Variants in DYSF observed in about 807,000 individuals in gnomAD.
DYSF encodes the protein dysferlin, also known as dystrophy-associated fer-1-like 1.
DYSF carries 212 observed loss-of-function variants against 274.9 expected under a neutral mutation model. The ratio of observed to expected loss-of-function variants is 0.77; its 90% CI spans 0.69 to 0.86. DYSF has a LOEUF of 0.86. DYSF is among the 40% of genes least tolerant of loss of function. DYSF has a pLI of 0.00. For missense variants in DYSF, 2,666 were observed against 2,783.2 expected, an observed-to-expected ratio of 0.96 and a Z score of 0.95; for synonymous variants, 1,091 against 1,078.7, an observed-to-expected ratio of 1.01 and a Z score of -0.22.
At position 71,511,932 on chromosome 2, in the gene DYSF, C is replaced by A; in HGVS notation, c.460+11C>A. On this transcript the variant is annotated intron_variant, in intron 5 of 55. Coordinates refer to ENST00000410020, the MANE Select transcript of DYSF (RefSeq NM_001130987.2). ...TGGATGTAGTGGCAGGTGGGTAGCCCACGTTGGCCTGGCTGGGCCCCAGCA... is the reference window on the plus strand; with the variant it reads ...TGGATGTAGTGGCAGGTGGGTAGCCAACGTTGGCCTGGCTGGGCCCCAGCA... 1 of 1,519,598 alleles carries A rather than the reference C, an allele frequency of 6.6e-7. No homozygotes were observed. The highest frequency in any genetic ancestry group is 8.9e-7 in the Non-Finnish European group (1 of 1,118,872). 94.1% of individuals were successfully genotyped at this position (1,519,598 alleles called of 1,614,324 possible). A position where few individuals can be genotyped will look rare whatever the true frequency, so the allele number is the denominator to read the frequency against.
chr2:71,562,077 C>G, intron 23 of DYSF, 133 bp downstream of exon 23: 3 of 1,250,832 alleles, frequency 2.4e-6, no homozygotes, highest in Middle Eastern at 2.6e-4. Flanking sequence ...GGGCAGGTGA[C>G]TTAACCTCTC....
chr2:71,587,320 G>T (rs1430138644), intron 30 of DYSF, among the ~76,000 whole-genome samples: 4 of 152,214 alleles, frequency 2.6e-5, no homozygotes, highest in Admixed American at 6.5e-5. Flanking sequence ...GAGCGAGAGA[G>T]GGGGAAAGAA....
At chr2:71,575,030 C>G (rs748219365) in intron 30 of DYSF, among the ~76,000 whole-genome samples, 1 of 152,298 alleles carries the variant, frequency 6.6e-6, no homozygotes, top group Non-Finnish European at 1.5e-5. Flanking sequence ...GCTGCTCCCT[C>G]TGAAATCCAG....
chr2:71,520,676 C>T, intron 11 of DYSF, 113 bp from the exon 12 acceptor site: 1 of 868,924 alleles, frequency 1.2e-6, no homozygotes, highest in South Asian at 1.3e-5. Flanking sequence ...GAGCTCATGG[C>T]CCAGCGGATG....
chr2:71,469,356 C>T (rs1171241083), intron 1 of DYSF, among the ~76,000 whole-genome samples: 2 of 152,188 alleles, frequency 1.3e-5, no homozygotes, highest in Non-Finnish European at 2.9e-5. Flanking sequence ...TGCCAACCTC[C>T]CTGCCTGCCT....
rs531223734 is a variant in DYSF at position 71,539,150 on chromosome 2, G to A, written c.1494-7G>A. On this transcript the variant is annotated splice_region_variant and splice_polypyrimidine_tract_variant and intron_variant, in intron 16 of 55. Coordinates refer to ENST00000410020, the MANE Select transcript of DYSF (RefSeq NM_001130987.2). Reference sequence around the variant, plus strand: ...GTGTTCAGGCCCTCTCTGCTCCCTTGCTCTAGGGACCGCCTGACTCACAAT... The same window carrying A: ...GTGTTCAGGCCCTCTCTGCTCCCTTACTCTAGGGACCGCCTGACTCACAAT... 3 of 1,613,784 alleles carry A rather than the reference G, an allele frequency of 1.9e-6. No homozygotes were observed. The highest frequency in any genetic ancestry group is 2.5e-6 in the Non-Finnish European group (3 of 1,179,858).
At chr2:71,667,241 G>A (rs534129107) in intron 47 of DYSF, 135 bp from the exon 48 acceptor site, 24 of 1,258,300 alleles carry the variant, frequency 1.9e-5, no homozygotes, top group Middle Eastern at 2.7e-4. Flanking sequence ...AAGTGCATCT[G>A]TGCTGGGGGT....
intron 1 of DYSF, among the ~76,000 whole-genome samples, chr2:71,458,269 C>T (rs932817935): frequency 2.6e-5 from 4 of 152,198 alleles, no homozygotes; most frequent in Non-Finnish European, 5.9e-5. Flanking sequence ...TATACTTTTA[C>T]ATAAATTTAT....
chr2:71,478,043 GTT>G (rs61140655), intron 1 of DYSF, among the ~76,000 whole-genome samples: 11 of 129,158 alleles, frequency 8.5e-5, no homozygotes, highest in Non-Finnish European at 1.0e-4. Context: ...GGAAGTTATA[GTT>G]TTTTTTTTTT....
intron 17 of DYSF, among the ~76,000 whole-genome samples, chr2:71,539,835 T>C (rs2089757158): frequency 6.6e-6 from 1 of 152,266 alleles, no homozygotes; most frequent in African/African-American, 2.4e-5. Context: ...TGCTTTTTGA[T>C]ACTTGACAAT....
At chr2:71,608,910 C>T (rs746030316) in intron 36 of DYSF, among the ~76,000 whole-genome samples, 39 of 151,634 alleles carry the variant, frequency 2.6e-4, no homozygotes, top group Non-Finnish European at 4.3e-4. Context: ...CTCAGGGGAT[C>T]CTGGGGCTGT....
intron 6 of DYSF, 56 bp downstream of exon 6, chr2:71,513,388 T>C (rs927068987): frequency 6.6e-7 from 1 of 1,517,212 alleles, no homozygotes; most frequent in Non-Finnish European, 8.9e-7. Flanking sequence ...ACTGTCTCAC[T>C]AGCTGCCATG....
At chr2:71,462,484 C>T (rs1043204346), upstream of DYSF, among the ~76,000 whole-genome samples, 4 of 152,260 alleles carry the variant, frequency 2.6e-5, no homozygotes, top group Middle Eastern at 3.4e-3. Context: ...TGCAACATGG[C>T]GAGCAGGGTT....
intron 41 of DYSF, among the ~76,000 whole-genome samples, chr2:71,630,277 C>T (rs1366684082): frequency 1.3e-5 from 2 of 152,206 alleles, no homozygotes; most frequent in Non-Finnish European, 2.9e-5. Flanking sequence ...AAACCAGGAT[C>T]AGAGGCAGCT....
chr2:71,478,778 C>G (rs2152676035), intron 1 of DYSF, among the ~76,000 whole-genome samples: 1 of 152,224 alleles, frequency 6.6e-6, no homozygotes, highest in Non-Finnish European at 1.5e-5. Context: ...CTGAGCCCCT[C>G]CCTGCCTCCC....
chr2:71,608,012 A>G (rs1490127483), intron 36 of DYSF, among the ~76,000 whole-genome samples: 1 of 152,122 alleles, frequency 6.6e-6, no homozygotes, highest in Non-Finnish European at 1.5e-5. Flanking sequence ...GAGGGCCAGC[A>G]GTGTGGATCC....
At chr2:71,457,841 G>A (rs1424529851) in intron 1 of DYSF, among the ~76,000 whole-genome samples, 1 of 152,208 alleles carries the variant, frequency 6.6e-6, no homozygotes, top group East Asian at 1.9e-4. Flanking sequence ...ATGGCACTGA[G>A]GTGGGCAACC....
At chr2:71,618,133 G>GT (rs2093957515) in intron 40 of DYSF, among the ~76,000 whole-genome samples, 1 of 107,834 alleles carries the variant, frequency 9.3e-6, no homozygotes, top group Non-Finnish European at 1.9e-5. Context: ...TGGTAGAGGT[G>GT]GCGTGTGTGG....
At chr2:71,587,447 T>G (rs892525906) in intron 30 of DYSF, among the ~76,000 whole-genome samples, 1 of 152,138 alleles carries the variant, frequency 6.6e-6, no homozygotes, top group African/African-American at 2.4e-5. Context: ...CAAATATGAG[T>G]GATGTGAACA....
Sources: allele counts gnomAD v4.1 joint callset (sites outside exome capture counted in the v4.1 genomes callset), GRCh38; gene constraint gnomAD v4.1.1; transcripts MANE v1.5; gene names NCBI Gene and HGNC (gene_info 2026-07-23, HGNC 2026-07-21).